The following RBFOX1 variants were observed in gnomAD, a reference collection of about 807,000 sequenced individuals.
The protein encoded by RBFOX1 is RNA binding fox-1 homolog 1.
RBFOX1 carries 8 observed loss-of-function variants against 57.7 expected under a neutral mutation model. The observed-to-expected ratio is 0.14, with a 90% CI of 0.08 to 0.25. RBFOX1 has a LOEUF of 0.25. Ranked by LOEUF, RBFOX1 falls within the 10% of genes least tolerant of loss-of-function variation. The probability of loss-of-function intolerance (pLI) is 1.00; values close to 1 mark genes in which losing one functional copy is unlikely to be tolerated. For synonymous variants in RBFOX1, 326 were observed against 222.4 expected, an observed-to-expected ratio of 1.47 and a Z score of -4.15; for missense variants, 611 against 548.5, an observed-to-expected ratio of 1.11 and a Z score of -1.14.
At chr16:6,895,447 T>TAG (rs2066604014) in intron 3 of RBFOX1, among the ~76,000 whole-genome samples, 2 of 51,856 alleles carry the variant, frequency 3.9e-5, no homozygotes, top group Admixed American at 4.3e-4. Context: ...TGTGTGTGTG[T>TAG]GTATATATAT....
At chr16:6,688,037 T>A (rs2059693021) in intron 3 of RBFOX1, among the ~76,000 whole-genome samples, 1 of 152,214 alleles carries the variant, frequency 6.6e-6, no homozygotes, top group South Asian at 2.1e-4. Context: ...CCTGTTGTAT[T>A]AGTCCATTCT....
At chr16:5,744,988 C>T (rs1372240484) in intron 3 of RBFOX1, among the ~76,000 whole-genome samples, 1 of 152,120 alleles carries the variant, frequency 6.6e-6, no homozygotes, top group Non-Finnish European at 1.5e-5. Flanking sequence ...TACATGTGCA[C>T]AACGTGCAGG....
At chr16:5,287,698 A>T (rs1441878125) in intron 1 of RBFOX1, among the ~76,000 whole-genome samples, 2 of 152,146 alleles carry the variant, frequency 1.3e-5, no homozygotes, top group South Asian at 4.1e-4. Context: ...GCTTGCTCTC[A>T]TGGTGATAGC....
At chr16:6,082,159 A>C (rs1181643651) in intron 1 of RBFOX1, among the ~76,000 whole-genome samples, 1 of 147,166 alleles carries the variant, frequency 6.8e-6, no homozygotes, top group African/African-American at 2.5e-5. Context: ...TTTGTTGGTC[A>C]CTTACCAATA....
intron 3 of RBFOX1, among the ~76,000 whole-genome samples, chr16:5,712,242 A>G (rs910944805): frequency 3.3e-5 from 5 of 152,220 alleles, no homozygotes; most frequent in South Asian, 2.1e-4. Flanking sequence ...ATTTGAGATG[A>G]TATTTGAGTG....
At chr16:7,031,944 G>A (rs904300382) in intron 3 of RBFOX1, among the ~76,000 whole-genome samples, 16 of 152,112 alleles carry the variant, frequency 1.1e-4, no homozygotes, top group Admixed American at 9.2e-4. Context: ...CAGCCAAATT[G>A]TTGGGATGGA....
At chr16:5,620,382 G>C (rs893218541) in intron 3 of RBFOX1, among the ~76,000 whole-genome samples, 3 of 152,146 alleles carry the variant, frequency 2.0e-5, no homozygotes, top group African/African-American at 7.2e-5. Context: ...ATCTGAGGTT[G>C]GCTGAGTACT....
intron 3 of RBFOX1, among the ~76,000 whole-genome samples, chr16:6,726,388 C>G (rs931991899): frequency 2.4e-5 from 3 of 123,180 alleles, no homozygotes; most frequent in Non-Finnish European, 5.2e-5. Flanking sequence ...AAATAAAACG[C>G]TATTTTTTCT....
chr16:6,975,707 G>T (rs544778324), intron 3 of RBFOX1, among the ~76,000 whole-genome samples: 1 of 152,210 alleles, frequency 6.6e-6, no homozygotes, highest in Non-Finnish European at 1.5e-5. Context: ...ATCAATTTAT[G>T]ATTAGCACTG....
At chr16:6,915,437 T>C (rs1285429570) in intron 3 of RBFOX1, among the ~76,000 whole-genome samples, 3 of 152,314 alleles carry the variant, frequency 2.0e-5, no homozygotes, top group Admixed American at 2.0e-4. Flanking sequence ...CGTTTTCTTA[T>C]TTCCTTGATA....
intron 2 of RBFOX1, among the ~76,000 whole-genome samples, chr16:6,411,221 G>T (rs190712423): frequency 3.9e-5 from 6 of 152,310 alleles, no homozygotes; most frequent in African/African-American, 1.4e-4. Context: ...GGGGCAAGCA[G>T]TTCTCCTGCT....
chr16:6,060,121 G>GGTTTTTT lies in RBFOX1; in HGVS notation c.-127+40130_-127+40136dup, dbSNP rs1355654933. On this transcript the variant is annotated intron_variant, in intron 1 of 15. Transcript: ENST00000550418. ...CATTTGGCCCTAAAATTAGGATTAG[G>GGTTTTTT]GTTTTTTTTTTTTTTTTTTTTTTTT... is the stretch of plus-strand genomic sequence containing the variant. Among the ~76,000 whole-genome samples the GGTTTTTT allele has an allele frequency of 6.5e-4, 49 of 74,810 alleles. 2 individuals carry two copies. The highest frequency in any genetic ancestry group is 9.8e-4 in the Non-Finnish European group (40 of 40,856). The allele number at this position is 74,810 out of a possible 152,430, so 49.1% of individuals were successfully genotyped here. A position where few individuals can be genotyped will look rare whatever the true frequency, so the allele number is the denominator to read the frequency against.
intron 4 of RBFOX1, among the ~76,000 whole-genome samples, chr16:5,950,866 G>A (rs1480563938): frequency 6.6e-6 from 1 of 152,084 alleles, no homozygotes; most frequent in Non-Finnish European, 1.5e-5. Flanking sequence ...CAGGAGAGAG[G>A]GAGCTAGGGG....
intron 3 of RBFOX1, among the ~76,000 whole-genome samples, chr16:5,737,150 A>G (rs910110635): frequency 5.9e-5 from 9 of 152,034 alleles, no homozygotes; most frequent in Non-Finnish European, 1.0e-4. Flanking sequence ...CATGTCAGCA[A>G]TCAGTGTCAT....
At chr16:6,022,992 T>A (rs1004133669) in intron 1 of RBFOX1, among the ~76,000 whole-genome samples, 5 of 152,108 alleles carry the variant, frequency 3.3e-5, no homozygotes, top group African/African-American at 1.2e-4. Flanking sequence ...GATTCGGGGA[T>A]CTAAAATCGT....
chr16:5,955,470 G>A (rs541109645), intron 4 of RBFOX1, among the ~76,000 whole-genome samples: 3 of 151,928 alleles, frequency 2.0e-5, no homozygotes, highest in Admixed American at 2.0e-4. Flanking sequence ...TTCTGTTATG[G>A]AAACCAGGCA....
chr16:7,246,914 C>T (rs143597495), intron 4 of RBFOX1, among the ~76,000 whole-genome samples: 12 of 152,230 alleles, frequency 7.9e-5, no homozygotes, highest in African/African-American at 2.6e-4. Context: ...CTCCCTAAAC[C>T]TCAATTTTCC....
chr16:6,576,976 A>C (rs2097448542), intron 2 of RBFOX1: 1 of 152,212 alleles, frequency 6.6e-6, no homozygotes, highest in Non-Finnish European at 1.5e-5. Context: ...CCTTTTATCA[A>C]AGCGGTGACA....
chr16:5,332,064 T>C (rs1274891611), intron 1 of RBFOX1, among the ~76,000 whole-genome samples: 1 of 152,228 alleles, frequency 6.6e-6, no homozygotes, highest in Admixed American at 6.5e-5. Context: ...ATAATGGCTT[T>C]GGAACAGTGG....
Sources: gnomAD v4.1 joint callset for allele counts (sites outside exome capture counted in the v4.1 genomes callset) on GRCh38, gnomAD v4.1.1 for gene constraint, MANE v1.5 for transcripts, NCBI Gene and HGNC (gene_info 2026-07-23, HGNC 2026-07-21) for gene names.